OSTM1: variants seen among roughly 807,000 people sequenced by gnomAD.
OSTM1 encodes the protein osteoclastogenesis associated transmembrane protein 1, also known as osteopetrosis-associated transmembrane protein 1.
In OSTM1, 26 loss-of-function variants were observed where a neutral mutation model predicts 35.4. The observed-to-expected ratio is 0.73, with a 90% CI of 0.54 to 1.02. The LOEUF (loss-of-function observed/expected upper bound fraction) is 1.02. Ranked by LOEUF, OSTM1 falls within the 50% of genes least tolerant of loss-of-function variation. OSTM1 has a pLI of 0.00. For synonymous variants in OSTM1, 181 were observed against 165.0 expected (o/e 1.10, Z -0.75); for missense variants, 366 against 409.6 (o/e 0.89, Z 0.92).
rs777830905 is a variant in OSTM1 at position 108,064,188 on chromosome 6, C to G, written c.514G>C (p.Ala172Pro). 8 of 1,462,678 alleles carry G rather than the reference C, an allele frequency of 5.5e-6. No homozygotes were observed. The South Asian group carries it at 9.1e-5, about 17-fold the overall frequency. 90.6% of individuals were successfully genotyped at this position (1,462,678 alleles called of 1,614,324 possible). A position where few individuals can be genotyped will look rare whatever the true frequency, so the allele number is the denominator to read the frequency against. ...TGAAAATGAAAGAATTACTTACTTG[C>G]ACAATTTGCCTCCTGCCATGTGGTA... is the stretch of plus-strand genomic sequence containing the variant. ...FNTTWQEANC[A>P]NCLTNNSEEL... is the part of the protein sequence containing the mutation. Residue 172 changes from alanine (A) to proline (P), a missense_variant, in exon 2 of 6, where the codon GCA (alanine) becomes CCA (proline). Physicochemically the swap from Ala to Pro is conservative, Grantham distance 27. Around this residue, in one of 3 missense-constraint regions of OSTM1, gnomAD observed 236 missense variants for 239.3 expected, o/e 0.99. Transcript: ENST00000193322.
chr6:108,062,915 C>A (rs1772307363), intron 2 of OSTM1, among the ~76,000 whole-genome samples: 1 of 151,984 alleles, frequency 6.6e-6, no homozygotes, highest in African/African-American at 2.4e-5. Context: ...AGTCAAGGTC[C>A]TACTTTCCCT....
In OSTM1 at chr6:108,058,882, A is replaced by C. The variant is rs74861043; in HGVS notation, c.518-4295T>G. Among the ~76,000 whole-genome samples the C allele has an allele frequency of 1.0e-2, 1,523 of 152,348 alleles. 26 individuals carry two copies. Among genetic ancestry groups the C allele is most frequent in the African/African-American group, 0.035 (1,456 of 41,572 alleles). On this transcript the variant is annotated intron_variant, in intron 2 of 5. Coordinates refer to ENST00000193322, the MANE Select transcript of OSTM1 (RefSeq NM_014028.4). Reference sequence around the variant, plus strand: ...GACATACATTGTATGTGTTAACTGAAAGTTAGTTTTCCTCTGATGAATCAG... The same window carrying C: ...GACATACATTGTATGTGTTAACTGACAGTTAGTTTTCCTCTGATGAATCAG...
chr6:108,042,268 C>CAAAAAAAAAAA lies in OSTM1; in HGVS notation c.*2506_*2516dup, dbSNP rs562640840. 1.6e-5 allele frequency: 1 copy of CAAAAAAAAAAA among 64,122 alleles called. No homozygotes were observed. Among genetic ancestry groups the CAAAAAAAAAAA allele is most frequent in the Non-Finnish European group, 3.1e-5 (1 of 32,782 alleles). 4.0% of individuals were successfully genotyped at this position (64,122 alleles called of 1,614,324 possible). A position where few individuals can be genotyped will look rare whatever the true frequency, so the allele number is the denominator to read the frequency against. ...GCAACATAGTGAGACACTGTCTCTA[C>CAAAAAAAAAAA]AAAAAAAAAAAAAAAAAAAATTAAT... On this transcript the variant is annotated 3_prime_UTR_variant, in exon 6 of 6. Coordinates refer to ENST00000193322, the MANE Select transcript of OSTM1 (RefSeq NM_014028.4).
chr6:108,065,476 G>C (rs9372180), intron 1 of OSTM1, among the ~76,000 whole-genome samples: 1 of 151,338 alleles, frequency 6.6e-6, no homozygotes, highest in African/African-American at 2.4e-5. Flanking sequence ...GACCTCAGAC[G>C]ATCCACCTGC....
In OSTM1 at chr6:108,044,567, A is replaced by G. The variant is rs1480960938; in HGVS notation, c.*218T>C. The G allele has an allele frequency of 1.6e-5, 7 of 434,528 alleles. No homozygotes were observed. Among genetic ancestry groups the G allele is most frequent in the East Asian group, 3.6e-5 (1 of 27,774 alleles). The allele number at this position is 434,528 out of a possible 1,614,324, so 26.9% of individuals were successfully genotyped here. A position where few individuals can be genotyped will look rare whatever the true frequency, so the allele number is the denominator to read the frequency against. On this transcript the variant is annotated 3_prime_UTR_variant, in exon 6 of 6. Transcript: ENST00000193322. ...TTGTGACAAATACACATTAAAATAG[A>G]TAACATTGCTATGCCTGGAAATTAA...
At chr6:108,065,570 T>C (rs1381411885) in intron 1 of OSTM1, among the ~76,000 whole-genome samples, 1 of 152,156 alleles carries the variant, frequency 6.6e-6, no homozygotes, top group Non-Finnish European at 1.5e-5. Flanking sequence ...GTAATAATAT[T>C]GTATTAATAC....
chr6:108,048,977 T>A (rs1345320633), intron 5 of OSTM1, among the ~76,000 whole-genome samples: 1 of 152,092 alleles, frequency 6.6e-6, no homozygotes, highest in Non-Finnish European at 1.5e-5. Context: ...GGTCTCGATC[T>A]CCTGACCTCG....
At chr6:108,072,296 T>G (rs139840727) in intron 1 of OSTM1, among the ~76,000 whole-genome samples, 2 of 152,292 alleles carry the variant, frequency 1.3e-5, no homozygotes, top group Non-Finnish European at 2.9e-5. Context: ...AATGGAAGTG[T>G]GCCTGGAAAA....
intron 2 of OSTM1, among the ~76,000 whole-genome samples, chr6:108,063,331 GA>G (rs1309551943): frequency 6.6e-6 from 1 of 152,144 alleles, no homozygotes; most frequent in East Asian, 1.9e-4. Context: ...TCTACTTATT[GA>G]AATCATGTCC....
intron 3 of OSTM1, among the ~76,000 whole-genome samples, chr6:108,054,194 TAAAC>T (rs1347317392): frequency 6.6e-6 from 1 of 152,238 alleles, no homozygotes; most frequent in African/African-American, 2.4e-5. Context: ...GTGTTTTAAT[TAAAC>T]AATCACACAC....
rs1426168028 is a variant in OSTM1 at position 108,064,406 on chromosome 6, C to T, written c.403-107G>A. ...ATAACATTTATTATAAGCTTTTTAA[C>T]ATTTTGTTTGATATGATCAGATGTT... On this transcript the variant is annotated intron_variant, in intron 1 of 5. Coordinates refer to ENST00000193322, the MANE Select transcript of OSTM1 (RefSeq NM_014028.4). 7 of 709,608 alleles carry T rather than the reference C, an allele frequency of 9.9e-6. No individual in the cohort carries two copies. The East Asian group carries it at 1.9e-4, about 19-fold the overall frequency. The allele number at this position is 709,608 out of a possible 1,614,324, so 44.0% of individuals were successfully genotyped here.
chr6:108,043,974 C>T lies in OSTM1; in HGVS notation c.*811G>A, dbSNP rs1183909551. The T allele has an allele frequency of 3.9e-5, 6 of 152,534 alleles. No homozygotes were observed. Among genetic ancestry groups the T allele is most frequent in the Non-Finnish European group, 8.8e-5 (6 of 68,020 alleles). 9.4% of individuals were successfully genotyped at this position (152,534 alleles called of 1,614,324 possible). A position where few individuals can be genotyped will look rare whatever the true frequency, so the allele number is the denominator to read the frequency against. ...ACAATTTAAATACAGTGTGATAATG[C>T]TACATTTGATTTAAAGTAGTAATAA... is the stretch of plus-strand genomic sequence containing the variant. On this transcript the variant is annotated 3_prime_UTR_variant, in exon 6 of 6. Transcript: ENST00000193322.
chr6:108,061,737 C>T (rs1444496919), intron 2 of OSTM1, among the ~76,000 whole-genome samples: 1 of 151,108 alleles, frequency 6.6e-6, no homozygotes, highest in Non-Finnish European at 1.5e-5. Context: ...TCTGTCTCTA[C>T]AAAAAATGTT....
intron 1 of OSTM1, among the ~76,000 whole-genome samples, chr6:108,071,347 C>T (rs1206273808): frequency 2.0e-5 from 3 of 151,668 alleles, no homozygotes; most frequent in Non-Finnish European, 2.9e-5. Context: ...ACTCTGTCCC[C>T]CAGGTTGGAG....
At chr6:108,069,298 G>C (rs1043627930) in intron 1 of OSTM1, among the ~76,000 whole-genome samples, 1 of 152,240 alleles carries the variant, frequency 6.6e-6, no homozygotes, top group East Asian at 1.9e-4. Flanking sequence ...TTGAATGAAT[G>C]CAGAAGAAAT....
chr6:108,044,662 T>C lies in OSTM1; in HGVS notation c.*123A>G. The C allele has an allele frequency of 5.0e-6, 3 of 594,920 alleles. No homozygotes were observed. The South Asian group carries it at 7.2e-5, about 14-fold the overall frequency. 36.9% of individuals were successfully genotyped at this position (594,920 alleles called of 1,614,324 possible). A position where few individuals can be genotyped will look rare whatever the true frequency, so the allele number is the denominator to read the frequency against. On this transcript the variant is annotated 3_prime_UTR_variant, in exon 6 of 6. Transcript: ENST00000193322. ...TCGAAAATTCTTATTTAAAAATGGA[T>C]CTGAAGTCCTTGTATTTCTTAAGAG...
At chr6:108,050,348 C>A (rs1174563088) in intron 4 of OSTM1, among the ~76,000 whole-genome samples, 1 of 147,920 alleles carries the variant, frequency 6.8e-6, no homozygotes, top group Non-Finnish European at 1.5e-5. Context: ...GTAGTGAAAT[C>A]CAGAAACGTC....
chr6:108,068,904 G>C (rs1003173175), intron 1 of OSTM1, among the ~76,000 whole-genome samples: 1 of 152,172 alleles, frequency 6.6e-6, no homozygotes. Flanking sequence ...CTTAGGCTCA[G>C]ACCACGGGTT....
chr6:108,061,660 G>A (rs544724266), intron 2 of OSTM1, among the ~76,000 whole-genome samples: 3 of 151,716 alleles, frequency 2.0e-5, no homozygotes, highest in Non-Finnish European at 2.9e-5. Context: ...CAGGCAGCTG[G>A]GACTATAGGC....
Sources: gnomAD v4.1 joint callset for allele counts (sites outside exome capture counted in the v4.1 genomes callset) on GRCh38, gnomAD v4.1.1 for gene constraint, gnomAD v4.1.1 regional missense constraint, MANE v1.5 for transcripts, NCBI Gene and HGNC (gene_info 2026-07-23, HGNC 2026-07-21) for gene names.